Variants in KLHL22 observed in about 807,000 individuals in gnomAD.
The protein encoded by KLHL22 is kelch like family member 22.
KLHL22 carries 18 observed loss-of-function variants against 60.7 expected under a neutral mutation model. The observed-to-expected ratio is 0.30, with a 90% CI of 0.20 to 0.44. The LOEUF (loss-of-function observed/expected upper bound fraction) is 0.44. Ranked by LOEUF, KLHL22 falls within the 20% of genes least tolerant of loss-of-function variation. The probability of loss-of-function intolerance (pLI) is 1.00; values close to 1 mark genes in which losing one functional copy is unlikely to be tolerated. For missense variants in KLHL22, 596 were observed against 852.3 expected, an observed-to-expected ratio of 0.70 and a Z score of 3.74; for synonymous variants, 355 against 354.5, an observed-to-expected ratio of 1.00 and a Z score of -0.01.
At chr22:20,493,364 A>C (rs936187417) in intron 1 of KLHL22, 2 of 396,338 alleles carry the variant, frequency 5.0e-6, no homozygotes, top group Non-Finnish European at 1.0e-5. Context: ...GGAGCACAGC[A>C]CAGGGTGCAA....
Position 20,457,828 on chromosome 22 carries a change from C to G in KLHL22, c.1285G>C (p.Val429Leu). The stretch of plus-strand genomic sequence containing the variant: ...CTTACCTCCCTCTTGAGTGGGGCCA[C>G]GTATGCCCAGGAGTTGGTGGCAGGG... The part of the protein sequence containing the change: ...YDPATNSWAY[V>L]APLKREVYAH... Residue 429 changes from valine (V) to leucine (L), a missense_variant, in exon 5 of 7, where the codon GTG (valine) becomes CTG (leucine). By Grantham distance (32) the Val-to-Leu change is conservative. Coordinates refer to ENST00000328879, the MANE Select transcript of KLHL22 (RefSeq NM_032775.4). 6.2e-7 allele frequency: 1 copy of G among 1,604,740 alleles called. No homozygotes were observed. Among genetic ancestry groups the G allele is most frequent in the Non-Finnish European group, 8.5e-7 (1 of 1,175,506 alleles).
chr22:20,467,350 C>A (rs1420322046), intron 3 of KLHL22, among the ~76,000 whole-genome samples: 1 of 152,238 alleles, frequency 6.6e-6, no homozygotes, highest in Admixed American at 6.5e-5. Flanking sequence ...TGTGGGCAAG[C>A]CTGGGTAAAG....
At chr22:20,492,922 A>T (rs1369708155) in intron 1 of KLHL22, among the ~76,000 whole-genome samples, 2 of 152,086 alleles carry the variant, frequency 1.3e-5, no homozygotes, top group East Asian at 3.9e-4. Context: ...CGACAAGGAG[A>T]TTCCGGCTTC....
intron 2 of KLHL22, among the ~76,000 whole-genome samples, chr22:20,479,051 C>T (rs2053458025): frequency 6.6e-6 from 1 of 151,462 alleles, no homozygotes; most frequent in Non-Finnish European, 1.5e-5. Context: ...ATTGCTTGAA[C>T]CTGGGAGGTG....
At chr22:20,469,453 T>G (rs999247200) in intron 3 of KLHL22, among the ~76,000 whole-genome samples, 1 of 152,118 alleles carries the variant, frequency 6.6e-6, no homozygotes, top group Non-Finnish European at 1.5e-5. Context: ...GGGAGATGTT[T>G]CAGAGGCAGC....
At chr22:20,447,895 A>C (rs75989619) in intron 5 of KLHL22, among the ~76,000 whole-genome samples, 9,875 of 152,148 alleles carry the variant, frequency 0.065, 822 homozygotes, top group East Asian at 0.46. Flanking sequence ...AGTCACGTGT[A>C]GTTGGAAGTA....
intron 6 of KLHL22, among the ~76,000 whole-genome samples, chr22:20,445,441 C>T (rs572804729): frequency 2.0e-4 from 30 of 152,056 alleles, no homozygotes; most frequent in Admixed American, 2.0e-4. Context: ...CTCCTGACCT[C>T]GTGATCCACC....
intron 1 of KLHL22, among the ~76,000 whole-genome samples, chr22:20,492,478 C>G (rs1269998895): frequency 6.6e-6 from 1 of 152,166 alleles, no homozygotes; most frequent in Non-Finnish European, 1.5e-5. Context: ...TTTAGTCACC[C>G]ATCTAGGCCA....
intron 2 of KLHL22, among the ~76,000 whole-genome samples, chr22:20,472,690 C>T (rs932074354): frequency 3.3e-5 from 5 of 152,176 alleles, no homozygotes; most frequent in African/African-American, 7.2e-5. Flanking sequence ...CACACCACTG[C>T]GATCCAGCCT....
chr22:20,462,692 C>A (rs556200370), intron 4 of KLHL22, among the ~76,000 whole-genome samples: 32 of 152,138 alleles, frequency 2.1e-4, no homozygotes, highest in Non-Finnish European at 3.5e-4. Context: ...GGGCACATAG[C>A]AACATGTAAC....
intron 5 of KLHL22, chr22:20,451,098 A>T: frequency 6.8e-7 from 1 of 1,474,098 alleles, no homozygotes; most frequent in Non-Finnish European, 9.5e-7. Flanking sequence ...CAGTGTCCCT[A>T]CATGACCAGA....
At chr22:20,471,166 G>A (rs1271453484) in intron 3 of KLHL22, among the ~76,000 whole-genome samples, 184 bp downstream of exon 3, 2 of 152,186 alleles carry the variant, frequency 1.3e-5, no homozygotes, top group African/African-American at 4.8e-5. Context: ...TGTCTAGAGC[G>A]GCTCTGCTTG....
At chr22:20,494,789 T>G (rs375107123) in intron 1 of KLHL22, among the ~76,000 whole-genome samples, 2 of 152,326 alleles carry the variant, frequency 1.3e-5, no homozygotes, top group African/African-American at 4.8e-5. Context: ...AGCTACAAAC[T>G]GAAGGATACA....
chr22:20,451,324 A>T, intron 5 of KLHL22: 1 of 1,610,460 alleles, frequency 6.2e-7, no homozygotes, highest in South Asian at 1.1e-5. Flanking sequence ...TGATCCAAAC[A>T]TTGACCAGAG....
At chr22:20,480,424 G>A (rs550776164) in intron 2 of KLHL22, among the ~76,000 whole-genome samples, 25 of 152,298 alleles carry the variant, frequency 1.6e-4, no homozygotes, top group African/African-American at 4.3e-4. Flanking sequence ...TCGACAGCAC[G>A]GAACACTCCA....
At chr22:20,450,017 C>T in intron 5 of KLHL22, 1 of 614,502 alleles carries the variant, frequency 1.6e-6, no homozygotes, top group Non-Finnish European at 3.0e-6. Context: ...CCGCACCCCA[C>T]TCCATCCCCA....
intron 2 of KLHL22, among the ~76,000 whole-genome samples, chr22:20,487,554 C>A (rs5755236): frequency 0.072 from 10,868 of 151,900 alleles, 845 homozygotes; most frequent in East Asian, 0.46. Flanking sequence ...ACACACACAC[C>A]CCCCTGTGAA....
intron 5 of KLHL22, chr22:20,451,503 G>C: frequency 6.3e-7 from 1 of 1,598,296 alleles, no homozygotes; most frequent in South Asian, 1.1e-5. Context: ...TGGCCACCAA[G>C]CGTTCTGGTG....
intron 4 of KLHL22, among the ~76,000 whole-genome samples, chr22:20,458,813 C>T (rs995609974): frequency 6.6e-6 from 1 of 152,182 alleles, no homozygotes; most frequent in Non-Finnish European, 1.5e-5. Flanking sequence ...ATGCTGCCAG[C>T]CCCGCGTTTC....
Sources: gnomAD v4.1 joint callset for allele counts (sites outside exome capture counted in the v4.1 genomes callset) on GRCh38, gnomAD v4.1.1 for gene constraint, MANE v1.5 for transcripts, NCBI Gene and HGNC (gene_info 2026-07-23, HGNC 2026-07-21) for gene names.